Variants in GLIS3 observed in about 807,000 individuals in gnomAD.
GLIS3 encodes the protein GLIS family zinc finger 3.
Under a neutral mutation model 78.6 loss-of-function variants are expected in GLIS3, and 53 were observed. That is an observed-to-expected ratio of 0.67 (90% confidence interval 0.54 to 0.85). GLIS3 has a LOEUF of 0.85. GLIS3 is among the 40% of genes least tolerant of loss of function. GLIS3 has a pLI of 0.00. For missense variants in GLIS3, 1,703 were observed against 1,231.1 expected (o/e 1.38, Z -5.74); for synonymous variants, 684 against 509.9 (o/e 1.34, Z -4.60).
chr9:3,834,804 C>T (rs1264324459), intron 9 of GLIS3, among the ~76,000 whole-genome samples: 1 of 152,162 alleles, frequency 6.6e-6, no homozygotes, highest in Admixed American at 6.5e-5. Flanking sequence ...ACTCCCAACC[C>T]CTCAAGAAGC....
intron 2 of GLIS3, among the ~76,000 whole-genome samples, chr9:4,337,407 G>A (rs1461330876): frequency 6.6e-6 from 1 of 152,142 alleles, no homozygotes; most frequent in Non-Finnish European, 1.5e-5. Context: ...TAATGACATA[G>A]GAAATGTTCA....
chr9:4,208,798 A>G (rs1440833042), intron 2 of GLIS3, among the ~76,000 whole-genome samples: 2 of 152,240 alleles, frequency 1.3e-5, no homozygotes, highest in Non-Finnish European at 2.9e-5. Context: ...ATGGAACTCA[A>G]TGGGTGGCTG....
chr9:4,460,863 C>T, the GLIS3 span, among the ~76,000 whole-genome samples: 33 of 152,224 alleles, frequency 2.2e-4, no homozygotes, highest in South Asian at 6.2e-4. Context: ...AGAGCTTTAA[C>T]GCCAAATGAG....
intron 2 of GLIS3, among the ~76,000 whole-genome samples, chr9:4,185,958 G>C (rs1203752929): frequency 6.6e-6 from 1 of 151,978 alleles, no homozygotes; most frequent in Non-Finnish European, 1.5e-5. Flanking sequence ...CTGGCGCAGT[G>C]TGTCAAAGTT....
chr9:4,186,820 T>C (rs1428796605), intron 2 of GLIS3, among the ~76,000 whole-genome samples: 1 of 152,226 alleles, frequency 6.6e-6, no homozygotes, highest in South Asian at 2.1e-4. Context: ...TCTGTTCATA[T>C]CCATTGCCCA....
chr9:4,318,910 G>A (rs1817478875), intron 2 of GLIS3, among the ~76,000 whole-genome samples: 1 of 152,200 alleles, frequency 6.6e-6, no homozygotes, highest in South Asian at 2.1e-4. Context: ...GTGACATCAT[G>A]TGCCTCCCGG....
intron 4 of GLIS3, among the ~76,000 whole-genome samples, chr9:3,951,413 A>T (rs370337099): frequency 6.6e-5 from 10 of 152,094 alleles, no homozygotes; most frequent in Admixed American, 2.6e-4. Flanking sequence ...AAAAAAAGCA[A>T]GGCATCCATG....
the GLIS3 span, among the ~76,000 whole-genome samples, chr9:4,394,199 G>C: frequency 6.6e-6 from 1 of 151,808 alleles, no homozygotes; most frequent in Non-Finnish European, 1.5e-5. Context: ...TAAAGCCCAG[G>C]ATGGCTTGAG....
chr9:3,978,208 CTT>C (rs563936003), intron 4 of GLIS3, among the ~76,000 whole-genome samples: 1 of 146,006 alleles, frequency 6.8e-6, no homozygotes, highest in African/African-American at 2.5e-5. Flanking sequence ...AAGTCTAAAC[CTT>C]TTTTTTTTTT....
intron 2 of GLIS3, among the ~76,000 whole-genome samples, chr9:4,210,773 G>C (rs749623765): frequency 2.0e-5 from 3 of 152,244 alleles, no homozygotes; most frequent in Non-Finnish European, 2.9e-5. Context: ...TCACCTGCTA[G>C]AGCCAGTCTC....
chr9:4,086,402 C>T (rs1207654971), intron 4 of GLIS3, among the ~76,000 whole-genome samples: 1 of 152,216 alleles, frequency 6.6e-6, no homozygotes. Context: ...CAAGCCATAA[C>T]TTTATGTATA....
chr9:3,974,584 G>T (rs996046282), intron 4 of GLIS3, among the ~76,000 whole-genome samples: 1 of 152,126 alleles, frequency 6.6e-6, no homozygotes, highest in African/African-American at 2.4e-5. Context: ...ATTTGTGCCC[G>T]CAGAAAAACC....
At chr9:3,991,970 A>AG in intron 4 of GLIS3, among the ~76,000 whole-genome samples, 1 of 152,216 alleles carries the variant, frequency 6.6e-6, no homozygotes, top group East Asian at 1.9e-4. Flanking sequence ...GATTACAGGC[A>AG]TGAGCCACCC....
Position 4,150,307 on chromosome 9 carries a change from T to G in GLIS3, c.389-24366A>C, listed in dbSNP as rs577809329. ...CTAAAAGCAGAGTCCAACCAGCCAC[T>G]GACTGTCCTCTGCTTTTACTAACCA... On this transcript the variant is annotated intron_variant, in intron 2 of 10. Transcript: ENST00000381971. 3.3e-5 allele frequency among the ~76,000 whole-genome samples: 5 copies of G among 152,326 alleles called. No individual in the cohort carries two copies. The East Asian group carries it at 9.6e-4, about 29-fold the overall frequency.
intron 4 of GLIS3, among the ~76,000 whole-genome samples, chr9:4,308,119 C>T (rs1383743534): frequency 1.3e-5 from 2 of 152,154 alleles, no homozygotes; most frequent in Admixed American, 6.5e-5. Flanking sequence ...GCATCCCATC[C>T]TTCCCTTAGC....
chr9:4,294,208 A>G (rs561982741), intron 1 of GLIS3, among the ~76,000 whole-genome samples: 2 of 152,314 alleles, frequency 1.3e-5, no homozygotes, highest in South Asian at 4.1e-4. Context: ...TGCATAGTTC[A>G]TAATATTACA....
chr9:3,829,036 G>T (rs1817885509), intron 10 of GLIS3, among the ~76,000 whole-genome samples: 1 of 152,156 alleles, frequency 6.6e-6, no homozygotes, highest in Non-Finnish European at 1.5e-5. Flanking sequence ...GGGCAGAATG[G>T]TAAAGATGAG....
At chr9:4,077,757 C>G (rs1828204269) in intron 4 of GLIS3, among the ~76,000 whole-genome samples, 1 of 152,162 alleles carries the variant, frequency 6.6e-6, no homozygotes, top group Non-Finnish European at 1.5e-5. Flanking sequence ...AGCGTCCCTC[C>G]ACTAAAGGTT....
chr9:4,064,801 T>C (rs988744803), intron 4 of GLIS3, among the ~76,000 whole-genome samples: 2 of 152,142 alleles, frequency 1.3e-5, no homozygotes, highest in Non-Finnish European at 2.9e-5. Context: ...CATTTTCTCA[T>C]ATAGGGAAGT....
Sources: gnomAD v4.1 joint callset for allele counts (sites outside exome capture counted in the v4.1 genomes callset) on GRCh38, gnomAD v4.1.1 for gene constraint, MANE v1.5 for transcripts, NCBI Gene and HGNC (gene_info 2026-07-23, HGNC 2026-07-21) for gene names.